SMYD3: variants seen among roughly 807,000 people sequenced by gnomAD.
SMYD3 encodes histone-lysine N-methyltransferase SMYD3.
A neutral mutation model predicts 57.7 loss-of-function variants in SMYD3; 36 were observed. The ratio of observed to expected loss-of-function variants is 0.62; its 90% CI spans 0.48 to 0.82. The LOEUF is 0.82. SMYD3 is among the 40% of genes least tolerant of loss of function. The pLI is 0.00. For synonymous variants in SMYD3, 211 were observed against 195.0 expected (o/e 1.08, Z -0.68); for missense variants, 515 against 538.8 (o/e 0.96, Z 0.44).
intron 3 of SMYD3, 60 bp downstream of exon 3, chr1:246,335,307 T>A: frequency 7.1e-7 from 1 of 1,406,848 alleles, no homozygotes; most frequent in Non-Finnish European, 1.0e-6. Flanking sequence ...TACCGGAAAA[T>A]GCAATTGCAT....
At chr1:246,228,049 A>G (rs2063355656) in intron 5 of SMYD3, among the ~76,000 whole-genome samples, 1 of 146,744 alleles carries the variant, frequency 6.8e-6, no homozygotes. Context: ...CACTGACTGC[A>G]ACCTCCGCCT....
At chr1:246,435,556 G>A (rs534462989) in intron 1 of SMYD3, among the ~76,000 whole-genome samples, 3 of 151,936 alleles carry the variant, frequency 2.0e-5, no homozygotes, top group East Asian at 1.9e-4. Context: ...CTGAGTAACT[G>A]TAATACTAGA....
intron 8 of SMYD3, among the ~76,000 whole-genome samples, chr1:245,878,565 C>A (rs2052611797): frequency 1.3e-5 from 2 of 152,162 alleles, no homozygotes. Flanking sequence ...GACTCTTTTT[C>A]CCTATCTACT....
chr1:245,925,571 A>G (rs2056313039), intron 7 of SMYD3, among the ~76,000 whole-genome samples: 1 of 152,196 alleles, frequency 6.6e-6, no homozygotes, highest in African/African-American at 2.4e-5. Context: ...GTCTTCTCCA[A>G]TGATGCAACA....
At chr1:246,242,325 T>C (rs1457933869) in intron 5 of SMYD3, among the ~76,000 whole-genome samples, 1 of 152,218 alleles carries the variant, frequency 6.6e-6, no homozygotes, top group African/African-American at 2.4e-5. Context: ...AACATCTTTA[T>C]TTCTGCCTTC....
intron 1 of SMYD3, among the ~76,000 whole-genome samples, chr1:246,411,830 T>G (rs1156831585): frequency 6.2e-5 from 4 of 64,590 alleles, no homozygotes; most frequent in Admixed American, 2.3e-4. Context: ...TGTTGTGGGG[T>G]TGGGGGAGGG....
intron 5 of SMYD3, among the ~76,000 whole-genome samples, chr1:246,023,807 C>CTCTGTGTGTGTGTGTGTGTGTG (rs374649828): frequency 7.2e-6 from 1 of 139,512 alleles, no homozygotes; most frequent in Non-Finnish European, 1.5e-5. Flanking sequence ...TATTACAAAA[C>CTCTGTGTGTGTGTGTGTGTGTG]TGTGTGTGTG....
At chr1:246,181,231 T>TC (rs1479559773) in intron 5 of SMYD3, among the ~76,000 whole-genome samples, 1 of 152,164 alleles carries the variant, frequency 6.6e-6, no homozygotes, top group East Asian at 1.9e-4. Flanking sequence ...TTTACAAATT[T>TC]CTAATACAAA....
rs531079871 is a variant in SMYD3, at chr1:246,498,868, A to T, written c.164+8186T>A. Among the ~76,000 whole-genome samples, 249 of 152,150 alleles carry T rather than the reference A, an allele frequency of 1.6e-3. 1 individual carries two copies. Among genetic ancestry groups the T allele is most frequent in the Non-Finnish European group, 2.5e-4 (17 of 68,008 alleles). On this transcript the variant is annotated intron_variant, in intron 1 of 11. Transcript: ENST00000490107. ...CAGTGGCACGATCATGGCTCACTGC[A>T]GCCTTGACCTCCTAGGCTCAAGTGA... is the stretch of plus-strand genomic sequence containing the variant.
At chr1:246,381,942 C>CCCAAATCCCT (rs2066393380) in intron 1 of SMYD3, among the ~76,000 whole-genome samples, 2 of 145,604 alleles carry the variant, frequency 1.4e-5, no homozygotes, top group African/African-American at 2.6e-5. Flanking sequence ...TTCCTGTAGC[C>CCCAAATCCCT]CCAGATCCCT....
intron 5 of SMYD3, among the ~76,000 whole-genome samples, chr1:246,284,880 T>C (rs2064528444): frequency 6.6e-6 from 1 of 152,140 alleles, no homozygotes. Context: ...TTTAAATTAT[T>C]TGCTGGATTC....
At chr1:245,787,187 T>G (rs946108450) in intron 10 of SMYD3, among the ~76,000 whole-genome samples, 6 of 152,346 alleles carry the variant, frequency 3.9e-5, no homozygotes, top group African/African-American at 1.4e-4. Context: ...TTTTTTACAG[T>G]TGGAAGCAGA....
At chr1:246,102,042 A>C (rs2061024548) in intron 5 of SMYD3, among the ~76,000 whole-genome samples, 1 of 152,182 alleles carries the variant, frequency 6.6e-6, no homozygotes, top group Non-Finnish European at 1.5e-5. Context: ...AGACCTTTGC[A>C]TCTGAGTACA....
intron 5 of SMYD3, among the ~76,000 whole-genome samples, chr1:246,037,931 G>C (rs561843020): frequency 2.6e-5 from 4 of 152,248 alleles, no homozygotes; most frequent in African/African-American, 9.6e-5. Context: ...AAATACTGTT[G>C]GTTTTGTGGA....
At chr1:246,000,284 C>T (rs1429010220) in intron 5 of SMYD3, among the ~76,000 whole-genome samples, 2 of 151,752 alleles carry the variant, frequency 1.3e-5, no homozygotes, top group Non-Finnish European at 2.9e-5. Flanking sequence ...GGCAGGGCAC[C>T]GATAAGTGTC....
rs1000442118 is a variant in SMYD3 at position 245,993,819 on chromosome 1, G to A, written c.532-63882C>T. ...TATTGAAAAAGTTCGGGGGATGGAT[G>A]GTGGTGATGGTTTCACAACAGTGGG... On this transcript the variant is annotated intron_variant, in intron 5 of 11. Transcript: ENST00000490107. Among the ~76,000 whole-genome samples the A allele has an allele frequency of 3.9e-5, 6 of 152,250 alleles. No homozygotes were observed. The Middle Eastern group carries it at 0.01, about 261-fold the overall frequency.
chr1:246,390,765 A>G (rs1243712695), intron 1 of SMYD3, among the ~76,000 whole-genome samples: 12 of 152,178 alleles, frequency 7.9e-5, no homozygotes, highest in Admixed American at 7.9e-4. Context: ...ACTTTAGCAC[A>G]CATAAATTCA....
At chr1:245,965,365 C>T (rs1473592344) in intron 5 of SMYD3, among the ~76,000 whole-genome samples, 1 of 152,164 alleles carries the variant, frequency 6.6e-6, no homozygotes, top group Non-Finnish European at 1.5e-5. Context: ...GTGTATATTG[C>T]AAACTCTACG....
intron 5 of SMYD3, among the ~76,000 whole-genome samples, chr1:246,066,831 T>C (rs1416073434): frequency 6.6e-6 from 1 of 152,176 alleles, no homozygotes; most frequent in Non-Finnish European, 1.5e-5. Flanking sequence ...GACAAATAAA[T>C]CTTTTCATAT....
Sources: allele counts gnomAD v4.1 joint callset (sites outside exome capture counted in the v4.1 genomes callset), GRCh38; gene constraint gnomAD v4.1.1; transcripts MANE v1.5; gene names NCBI Gene and HGNC (gene_info 2026-07-23, HGNC 2026-07-21).